PBX1: variants seen among roughly 807,000 people sequenced by gnomAD.
PBX1 encodes the protein pre-B-cell leukemia transcription factor 1.
In PBX1, 6 loss-of-function variants were observed where a neutral mutation model predicts 53.4. That is an observed-to-expected ratio of 0.11 (90% confidence interval 0.06 to 0.22). The LOEUF (loss-of-function observed/expected upper bound fraction) is 0.22, where lower values mean the gene tolerates loss of function less well. PBX1 is among the 10% of genes least tolerant of loss of function. PBX1 has a pLI of 1.00. For missense variants in PBX1, 251 were observed against 551.4 expected, an observed-to-expected ratio of 0.46 and a Z score of 5.46; for synonymous variants, 204 against 212.3, an observed-to-expected ratio of 0.96 and a Z score of 0.34.
chr1:164,710,592 G>A (rs1663699372), intron 2 of PBX1, among the ~76,000 whole-genome samples: 1 of 152,030 alleles, frequency 6.6e-6, no homozygotes, highest in Admixed American at 6.5e-5. Context: ...TGTATTTTTA[G>A]TAGAGACGGG....
At chr1:164,631,994 A>T (rs531794227) in intron 2 of PBX1, among the ~76,000 whole-genome samples, 15 of 152,324 alleles carry the variant, frequency 9.8e-5, no homozygotes, top group African/African-American at 3.1e-4. Flanking sequence ...TAGAGAGGCA[A>T]ATTAGAGCAC....
intron 2 of PBX1, among the ~76,000 whole-genome samples, chr1:164,644,697 T>C (rs990900133): frequency 6.6e-6 from 1 of 152,154 alleles, no homozygotes; most frequent in African/African-American, 2.4e-5. Flanking sequence ...AAAAACTGTA[T>C]CTTGGCCTTA....
intron 2 of PBX1, among the ~76,000 whole-genome samples, chr1:164,865,050 A>G (rs1672184332): frequency 6.6e-6 from 1 of 152,244 alleles, no homozygotes; most frequent in South Asian, 2.1e-4. Flanking sequence ...CACCATGGTT[A>G]TAATATTGGC....
intron 2 of PBX1, among the ~76,000 whole-genome samples, chr1:164,711,988 G>A (rs1057150624): frequency 6.6e-6 from 1 of 151,934 alleles, no homozygotes; most frequent in Non-Finnish European, 1.5e-5. Context: ...CCCTTTGCTG[G>A]TTGTTGGTTT....
At chr1:164,708,356 G>C (rs1477499942) in intron 2 of PBX1, among the ~76,000 whole-genome samples, 1 of 151,020 alleles carries the variant, frequency 6.6e-6, no homozygotes, top group Non-Finnish European at 1.5e-5. Context: ...GCTGGGCTAA[G>C]TGCTTTACAC....
intron 2 of PBX1, among the ~76,000 whole-genome samples, chr1:164,731,374 C>G (rs952863686): frequency 6.6e-6 from 1 of 151,444 alleles, no homozygotes. Context: ...TTGATGAGGT[C>G]CCTGCTATTT....
At chr1:164,791,480 G>A (rs549311690) in intron 2 of PBX1, among the ~76,000 whole-genome samples, 8 of 152,268 alleles carry the variant, frequency 5.3e-5, no homozygotes, top group African/African-American at 1.7e-4. Context: ...GGAGCTAAAC[G>A]ACCCTGCTCA....
intron 2 of PBX1, among the ~76,000 whole-genome samples, chr1:164,645,538 G>T (rs1659401340): frequency 6.6e-6 from 1 of 150,972 alleles, no homozygotes; most frequent in Admixed American, 6.6e-5. Context: ...GGGGCTTAGG[G>T]CTAAAGAGTA....
At chr1:164,869,194 G>A (rs1034608441) in intron 2 of PBX1, among the ~76,000 whole-genome samples, 4 of 152,138 alleles carry the variant, frequency 2.6e-5, no homozygotes, top group East Asian at 1.9e-4. Flanking sequence ...GAACATGCCC[G>A]ATCTCGTCAG....
intron 2 of PBX1, among the ~76,000 whole-genome samples, chr1:164,751,581 CTT>C (rs1231289371): frequency 1.4e-3 from 187 of 137,974 alleles, no homozygotes; most frequent in Non-Finnish European, 2.2e-3. Flanking sequence ...TATTGCCCCC[CTT>C]TTTTTTTTTT....
chr1:164,820,605 T>C (rs1369185591), intron 7 of PBX1, among the ~76,000 whole-genome samples: 1 of 152,178 alleles, frequency 6.6e-6, no homozygotes, highest in African/African-American at 2.4e-5. Context: ...AGCAAATATA[T>C]TACTATCGGA....
chr1:164,602,870 C>T (rs1210763927), intron 2 of PBX1, among the ~76,000 whole-genome samples: 1 of 152,160 alleles, frequency 6.6e-6, no homozygotes, highest in African/African-American at 2.4e-5. Flanking sequence ...AAATTAAGGG[C>T]TGAGTGTATG....
chr1:164,805,061 T>C (rs1033829803), intron 4 of PBX1, among the ~76,000 whole-genome samples: 4 of 152,176 alleles, frequency 2.6e-5, no homozygotes, highest in African/African-American at 9.6e-5. Context: ...CATCTCACTA[T>C]CATGAGTCTT....
intron 2 of PBX1, among the ~76,000 whole-genome samples, chr1:164,738,948 T>C (rs1411305770): frequency 1.3e-5 from 2 of 152,216 alleles, no homozygotes; most frequent in Admixed American, 1.3e-4. Context: ...CCACTATTAT[T>C]TATGTAAATT....
rs1172993609 is a variant in PBX1, at chr1:164,847,596, C to T, written c.*920C>T. On this transcript the variant is annotated 3_prime_UTR_variant, in exon 9 of 9. Coordinates refer to ENST00000420696, the MANE Select transcript of PBX1 (RefSeq NM_002585.4). The stretch of plus-strand genomic sequence containing the variant: ...AGAAAGTTCTTATCGTGAAACCCTT[C>T]AACCTCAACTATGCCTTCATAGACA... 6.6e-6 allele frequency: 7 copies of T among 1,062,826 alleles called. No individual in the cohort carries two copies. Among genetic ancestry groups the T allele is most frequent in the Admixed American group, 1.1e-4 (2 of 18,648 alleles). The allele number at this position is 1,062,826 out of a possible 1,614,324, so 65.8% of individuals were successfully genotyped here.
chr1:164,663,471 C>T (rs920692793), intron 2 of PBX1, among the ~76,000 whole-genome samples: 2 of 152,178 alleles, frequency 1.3e-5, no homozygotes, highest in Non-Finnish European at 2.9e-5. Flanking sequence ...ATACGTAGAA[C>T]CTGTTCAACA....
At chr1:164,587,885 A>G (rs554304910) in intron 2 of PBX1, among the ~76,000 whole-genome samples, 32 of 152,034 alleles carry the variant, frequency 2.1e-4, no homozygotes, top group African/African-American at 7.5e-4. Context: ...CTCATCCCCC[A>G]CCCCTTTTCT....
At chr1:164,675,291 A>G (rs891881187) in intron 2 of PBX1, among the ~76,000 whole-genome samples, 2 of 152,194 alleles carry the variant, frequency 1.3e-5, no homozygotes, top group Non-Finnish European at 2.9e-5. Flanking sequence ...GACCCTTGAC[A>G]TGGAAGAGAA....
intron 2 of PBX1, among the ~76,000 whole-genome samples, chr1:164,593,787 T>C (rs926873028): frequency 6.6e-6 from 1 of 152,218 alleles, no homozygotes; most frequent in Non-Finnish European, 1.5e-5. Flanking sequence ...TCACACATAA[T>C]GCAGGCACTT....
Sources: allele counts gnomAD v4.1 joint callset (sites outside exome capture counted in the v4.1 genomes callset), GRCh38; gene constraint gnomAD v4.1.1; transcripts MANE v1.5; gene names NCBI Gene and HGNC (gene_info 2026-07-23, HGNC 2026-07-21).